The following CTNNA3 variants were observed in gnomAD, a reference collection of about 807,000 sequenced individuals.
CTNNA3 encodes catenin alpha 3, also known as catenin alpha-3.
CTNNA3 carries 76 observed loss-of-function variants against 95.7 expected under a neutral mutation model. The observed-to-expected ratio is 0.79, with a 90% CI of 0.66 to 0.96. CTNNA3 has a LOEUF of 0.96. Among genes scored for constraint, CTNNA3 ranks in the 40% least tolerant of loss-of-function variants. CTNNA3 has a pLI of 0.00. For synonymous variants in CTNNA3, 431 were observed against 374.4 expected (o/e 1.15, Z -1.74); for missense variants, 1,191 against 1,089.8 (o/e 1.09, Z -1.31).
intron 14 of CTNNA3, among the ~76,000 whole-genome samples, chr10:66,091,976 C>A (rs2081230353): frequency 6.6e-6 from 1 of 151,738 alleles, no homozygotes; most frequent in Non-Finnish European, 1.5e-5. Context: ...GACTTTTAGT[C>A]TAGTCACAGT....
At chr10:67,546,764 G>C (rs997175389) in intron 3 of CTNNA3, among the ~76,000 whole-genome samples, 1 of 152,012 alleles carries the variant, frequency 6.6e-6, no homozygotes, top group African/African-American at 2.4e-5. Context: ...CTTTTGAGGT[G>C]AAAAAATAAA....
chr10:66,808,286 A>G (rs1841737209), intron 7 of CTNNA3, among the ~76,000 whole-genome samples: 1 of 152,220 alleles, frequency 6.6e-6, no homozygotes, highest in South Asian at 2.1e-4. Flanking sequence ...TAGTTAGACC[A>G]GAGCATACCA....
At chr10:66,390,266 G>A (rs1445211367) in intron 11 of CTNNA3, among the ~76,000 whole-genome samples, 3 of 152,086 alleles carry the variant, frequency 2.0e-5, no homozygotes, top group Non-Finnish European at 2.9e-5. Context: ...TTCCTGAAGT[G>A]GGACTTTGAA....
chr10:66,911,104 T>G (rs922766174), intron 7 of CTNNA3, among the ~76,000 whole-genome samples: 1 of 152,216 alleles, frequency 6.6e-6, no homozygotes, highest in African/African-American at 2.4e-5. Context: ...AGATTATGTG[T>G]GCTAGAATAT....
chr10:67,299,425 T>G (rs1264818107), intron 5 of CTNNA3, among the ~76,000 whole-genome samples: 1 of 152,196 alleles, frequency 6.6e-6, no homozygotes, highest in Non-Finnish European at 1.5e-5. Flanking sequence ...CTCTGACTTT[T>G]AAATACTATG....
intron 5 of CTNNA3, among the ~76,000 whole-genome samples, chr10:67,494,500 CA>C (rs1273575504): frequency 6.6e-6 from 1 of 152,120 alleles, no homozygotes; most frequent in Non-Finnish European, 1.5e-5. Context: ...AGCTACCTAC[CA>C]GTCAGTTTTT....
intron 7 of CTNNA3, among the ~76,000 whole-genome samples, chr10:67,084,675 A>T (rs142241867): frequency 5.3e-4 from 81 of 151,994 alleles, no homozygotes; most frequent in Middle Eastern, 6.8e-3. Flanking sequence ...TTTATAATGG[A>T]CACTTAAATA....
chr10:67,149,915 T>C lies in CTNNA3; in HGVS notation c.1047+30402A>G, dbSNP rs148719490. 7.2e-3 allele frequency among the ~76,000 whole-genome samples: 1,093 copies of C among 152,326 alleles called. 21 individuals carry two copies. Among genetic ancestry groups the C allele is most frequent in the African/African-American group, 0.025 (1,035 of 41,564 alleles). ...TTGAGAATTATAAAACAACAAATAA[T>C]GAGGCATTCTTATTTAGAATTTTAA... On this transcript the variant is annotated intron_variant, in intron 7 of 17. Coordinates refer to ENST00000433211, the MANE Select transcript of CTNNA3 (RefSeq NM_013266.4).
At chr10:67,383,503 T>C (rs951809540) in intron 5 of CTNNA3, among the ~76,000 whole-genome samples, 5 of 152,186 alleles carry the variant, frequency 3.3e-5, no homozygotes, top group Non-Finnish European at 7.3e-5. Context: ...TTCTCACCAC[T>C]ACATAATGTA....
At chr10:67,368,046 G>A (rs1015760936) in intron 5 of CTNNA3, among the ~76,000 whole-genome samples, 7 of 152,050 alleles carry the variant, frequency 4.6e-5, no homozygotes, top group Non-Finnish European at 7.4e-5. Flanking sequence ...ACAGAAGCTG[G>A]TGGGAAAAGG....
At chr10:67,605,816 G>A (rs567165392) in intron 3 of CTNNA3, among the ~76,000 whole-genome samples, 12 of 151,924 alleles carry the variant, frequency 7.9e-5, no homozygotes, top group South Asian at 4.2e-4. Context: ...GTTTACAGGC[G>A]CCTGCCACCA....
At chr10:67,350,528 C>A (rs1842590144) in intron 5 of CTNNA3, among the ~76,000 whole-genome samples, 1 of 147,396 alleles carries the variant, frequency 6.8e-6, no homozygotes. Context: ...AAGATTATAA[C>A]CATAAAGATC....
chr10:66,728,679 C>A (rs1298371496), intron 9 of CTNNA3, among the ~76,000 whole-genome samples: 1 of 152,074 alleles, frequency 6.6e-6, no homozygotes, highest in Non-Finnish European at 1.5e-5. Context: ...ACTTCTGTTT[C>A]CCGCGTTAAG....
rs542492862 is a variant in CTNNA3, at chr10:66,296,568, T to TAC, written c.1733-15948_1733-15947insGT. On this transcript the variant is annotated intron_variant, in intron 12 of 17. Transcript: ENST00000433211. ...ATGTGTGTGCATGCGTGTGTGTATATATATACACACACACACAGATCTATA... is the reference window on the plus strand; with the variant it reads ...ATGTGTGTGCATGCGTGTGTGTATATACATATACACACACACACAGATCTATA... Among the ~76,000 whole-genome samples, 30 of 149,162 alleles carry TAC rather than the reference T, an allele frequency of 2.0e-4. No homozygotes were observed. In the South Asian group the frequency reaches 5.9e-3, roughly 29 times the overall value.
At chr10:67,135,614 G>A (rs920907703) in intron 7 of CTNNA3, among the ~76,000 whole-genome samples, 1 of 152,112 alleles carries the variant, frequency 6.6e-6, no homozygotes, top group Non-Finnish European at 1.5e-5. Flanking sequence ...ATTCAAGGTT[G>A]CAGTGAACTA....
chr10:66,877,211 C>A (rs1024610687), intron 7 of CTNNA3, among the ~76,000 whole-genome samples: 1 of 152,110 alleles, frequency 6.6e-6, no homozygotes, highest in Non-Finnish European at 1.5e-5. Flanking sequence ...GGTTTGGGCA[C>A]TGTGTTCTGG....
chr10:67,091,800 T>A (rs1311591577), intron 7 of CTNNA3, among the ~76,000 whole-genome samples: 1 of 152,032 alleles, frequency 6.6e-6, no homozygotes, highest in Non-Finnish European at 1.5e-5. Flanking sequence ...ACAAGTAGAT[T>A]AAGCTGACTT....
chr10:66,260,912 A>G (rs1027723233), intron 13 of CTNNA3, among the ~76,000 whole-genome samples: 1 of 152,112 alleles, frequency 6.6e-6, no homozygotes, highest in African/African-American at 2.4e-5. Context: ...GTGGTGCACA[A>G]TGAAGACAGA....
intron 3 of CTNNA3, among the ~76,000 whole-genome samples, chr10:67,595,765 TC>T (rs1202599745): frequency 6.6e-6 from 1 of 152,136 alleles, no homozygotes; most frequent in African/African-American, 2.4e-5. Flanking sequence ...TGGTTATCTA[TC>T]TTTATAGGTC....
Sources: gnomAD v4.1 joint callset for allele counts (sites outside exome capture counted in the v4.1 genomes callset) on GRCh38, gnomAD v4.1.1 for gene constraint, MANE v1.5 for transcripts, NCBI Gene and HGNC (gene_info 2026-07-23, HGNC 2026-07-21) for gene names.